The following ACSL3 variants were observed in gnomAD, a reference collection of about 807,000 sequenced individuals.
ACSL3 encodes the protein acyl-CoA synthetase long chain family member 3.
In ACSL3, 34 loss-of-function variants were observed where a neutral mutation model predicts 84.7. The observed-to-expected ratio is 0.40, with a 90% CI of 0.31 to 0.53. The LOEUF is 0.53. ACSL3 is among the 20% of genes least tolerant of loss of function. The pLI is 0.48. For synonymous variants in ACSL3, 315 were observed against 299.4 expected (o/e 1.05, Z -0.54); for missense variants, 680 against 873.1 (o/e 0.78, Z 2.79).
intron 1 of ACSL3, among the ~76,000 whole-genome samples, chr2:222,887,503 C>A (rs1352214826): frequency 6.6e-6 from 1 of 152,164 alleles, no homozygotes; most frequent in East Asian, 1.9e-4. Flanking sequence ...CACTGTCAAA[C>A]TTCCGTAGTG....
At chr2:222,888,100 C>T (rs1196389631) in intron 2 of ACSL3, among the ~76,000 whole-genome samples, 1 of 152,090 alleles carries the variant, frequency 6.6e-6, no homozygotes, top group Non-Finnish European at 1.5e-5. Flanking sequence ...ATCTTCCTTT[C>T]CTTAACTTGA....
At chr2:222,874,635 A>G (rs966292522) in intron 1 of ACSL3, among the ~76,000 whole-genome samples, 17 of 151,982 alleles carry the variant, frequency 1.1e-4, no homozygotes, top group African/African-American at 4.1e-4. Context: ...TGATCAAGCC[A>G]CTGCACTCCA....
chr2:222,903,602 A>G (rs912286315), intron 3 of ACSL3, among the ~76,000 whole-genome samples: 17 of 152,240 alleles, frequency 1.1e-4, no homozygotes, highest in African/African-American at 3.9e-4. Flanking sequence ...GATAGGATTG[A>G]AAAGAGTTAT....
intron 1 of ACSL3, among the ~76,000 whole-genome samples, chr2:222,870,028 C>T (rs555518126): frequency 3.3e-5 from 5 of 151,478 alleles, no homozygotes; most frequent in South Asian, 2.1e-4. Context: ...AGGTCTGGCC[C>T]GAGTTGTTTG....
intron 5 of ACSL3, 200 bp downstream of exon 5, chr2:222,916,696 G>A: frequency 6.0e-6 from 3 of 501,316 alleles, no homozygotes; most frequent in African/African-American, 1.9e-5. Flanking sequence ...CAGTGTTGCA[G>A]TGAGGCTTGA....
In ACSL3 at chr2:222,930,694, G is replaced by A; in HGVS notation, c.1614G>A (p.Gly538=). ...ILIGGQSVTM[G]YYKNEAKTKA... Reference sequence around the variant, plus strand: ...TTGGGGGCCAAAGTGTGACAATGGGGTACTACAAAAATGAAGCAAAAACAA... The same window carrying A: ...TTGGGGGCCAAAGTGTGACAATGGGATACTACAAAAATGAAGCAAAAACAA... The change falls in exon 14 of 17, where the codon GGG becomes GGA. Residue 538 remains glycine (G), a synonymous_variant. Transcript: ENST00000357430. The A allele has an allele frequency of 6.2e-7, 1 of 1,614,080 alleles. No homozygotes were observed. Among genetic ancestry groups the A allele is most frequent in the Non-Finnish European group, 8.5e-7 (1 of 1,179,986 alleles).
chr2:222,924,172 A>G (rs1696814507), intron 10 of ACSL3, among the ~76,000 whole-genome samples: 1 of 152,268 alleles, frequency 6.6e-6, no homozygotes, highest in African/African-American at 2.4e-5. Flanking sequence ...ATATCTTACA[A>G]TTTATATGAG....
At chr2:222,937,228 AGTTATT>A (rs78940636) in intron 16 of ACSL3, among the ~76,000 whole-genome samples, 57,670 of 151,720 alleles carry the variant, frequency 0.38, 11,787 homozygotes, top group East Asian at 0.75. Flanking sequence ...TTTTCAGAAC[AGTTATT>A]GTTAGTGTAT....
rs116282666 is a variant in ACSL3 at position 222,890,989 on chromosome 2, A to G, written c.-148+3101A>G. Among the ~76,000 whole-genome samples, 958 of 152,306 alleles carry G rather than the reference A, an allele frequency of 6.3e-3. 10 individuals are homozygous for G. Among genetic ancestry groups the G allele is most frequent in the African/African-American group, 0.022 (907 of 41,570 alleles). ...TGAATTTGTTACTTCAACTAACACAACCTTCACTTAAAAATTAGGCTGTCT... is the reference window on the plus strand; with the variant it reads ...TGAATTTGTTACTTCAACTAACACAGCCTTCACTTAAAAATTAGGCTGTCT... On this transcript the variant is annotated intron_variant, in intron 2 of 16. Coordinates refer to ENST00000357430, the MANE Select transcript of ACSL3 (RefSeq NM_004457.5).
intron 1 of ACSL3, among the ~76,000 whole-genome samples, chr2:222,869,355 C>T (rs866971884): frequency 9.2e-5 from 14 of 152,286 alleles, no homozygotes; most frequent in Middle Eastern, 3.4e-3. Flanking sequence ...TCTCTGGCTC[C>T]CCTGTCTTCT....
intron 2 of ACSL3, among the ~76,000 whole-genome samples, chr2:222,899,951 T>C (rs1696095505): frequency 6.6e-6 from 1 of 152,156 alleles, no homozygotes. Context: ...GAATGCCTAA[T>C]TTTCTGGGAA....
rs1438283083 is a variant in ACSL3, at chr2:222,942,382, A to G, written c.*728A>G. 5.2e-6 allele frequency: 1 copy of G among 192,234 alleles called. No individual in the cohort carries two copies. Among genetic ancestry groups the G allele is most frequent in the Non-Finnish European group, 1.1e-5 (1 of 91,802 alleles). The allele number at this position is 192,234 out of a possible 1,614,324, so 11.9% of individuals were successfully genotyped here. ...AACACAGCATGTGTAGCACCAGTTGATAATTGGTCTCTAGTAGCTTACTGT... is the reference window on the plus strand; with the variant it reads ...AACACAGCATGTGTAGCACCAGTTGGTAATTGGTCTCTAGTAGCTTACTGT... On this transcript the variant is annotated 3_prime_UTR_variant, in exon 17 of 17. Transcript: ENST00000357430.
In ACSL3 at chr2:222,907,026, C is replaced by T. The variant is rs183098465; in HGVS notation, c.-40-1707C>T. ...TCTGTGTTCTTACAGCCTGCTTCTC[C>T]AGCCTGTGCAGAACCTTTGTGCCAT... On this transcript the variant is annotated intron_variant, in intron 3 of 16. Coordinates refer to ENST00000357430, the MANE Select transcript of ACSL3 (RefSeq NM_004457.5). Among the ~76,000 whole-genome samples the T allele has an allele frequency of 2.9e-3, 437 of 152,332 alleles. 1 individual carries two copies. Among genetic ancestry groups the T allele is most frequent in the Non-Finnish European group, 4.8e-3 (329 of 68,034 alleles).
intron 1 of ACSL3, among the ~76,000 whole-genome samples, chr2:222,869,545 A>G (rs1695246694): frequency 6.6e-6 from 1 of 152,234 alleles, no homozygotes; most frequent in African/African-American, 2.4e-5. Context: ...GGAAATGTTA[A>G]TTCTGTAAGG....
chr2:222,938,659 T>TA (rs1267999240), intron 16 of ACSL3, among the ~76,000 whole-genome samples: 1 of 152,182 alleles, frequency 6.6e-6, no homozygotes, highest in Non-Finnish European at 1.5e-5. Flanking sequence ...CTTGAATTTA[T>TA]ACTCCCATTT....
intron 4 of ACSL3, among the ~76,000 whole-genome samples, chr2:222,913,690 G>A (rs948130641): frequency 5.9e-5 from 9 of 151,974 alleles, no homozygotes; most frequent in African/African-American, 1.9e-4. Flanking sequence ...AATAAGACCC[G>A]GACTTCTTTC....
At chr2:222,918,931 C>A in intron 6 of ACSL3, 133 bp from the exon 7 acceptor site, 1 of 967,556 alleles carries the variant, frequency 1.0e-6, no homozygotes, top group Non-Finnish European at 1.5e-6. Flanking sequence ...GATATTATGC[C>A]AGTGTACCCT....
At chr2:222,865,791 CCT>C (rs1027547134) in intron 1 of ACSL3, among the ~76,000 whole-genome samples, 4 of 61,704 alleles carry the variant, frequency 6.5e-5, no homozygotes, top group African/African-American at 2.8e-4. Context: ...GATTTTGGAT[CCT>C]CTGTGTGTGT....
intron 1 of ACSL3, among the ~76,000 whole-genome samples, chr2:222,882,761 G>T (rs1311409847): frequency 2.8e-4 from 34 of 119,964 alleles, no homozygotes; most frequent in African/African-American, 4.1e-4. Context: ...CCAGATCACT[G>T]TTTTTTTTTT....
Sources: gnomAD v4.1 joint callset for allele counts (sites outside exome capture counted in the v4.1 genomes callset) on GRCh38, gnomAD v4.1.1 for gene constraint, MANE v1.5 for transcripts, NCBI Gene and HGNC (gene_info 2026-07-23, HGNC 2026-07-21) for gene names.